The following SYT12 variants were observed in gnomAD, a reference collection of about 807,000 sequenced individuals.
SYT12 encodes synaptotagmin-12.
Under a neutral mutation model 39.5 loss-of-function variants are expected in SYT12, and 27 were observed. The observed-to-expected ratio is 0.68, with a 90% confidence interval of 0.50 to 0.94. SYT12 has a LOEUF of 0.94. Among genes scored for constraint, SYT12 ranks in the 40% least tolerant of loss-of-function variants. The pLI, the probability that SYT12 is intolerant of heterozygous loss-of-function variation, is 0.00. For missense variants in SYT12, 536 were observed against 572.6 expected (o/e 0.94, Z 0.65); for synonymous variants, 233 against 239.7 (o/e 0.97, Z 0.26).
intron 5 of SYT12, among the ~76,000 whole-genome samples, chr11:67,044,071 G>T (rs1950565346): frequency 6.6e-6 from 1 of 152,150 alleles, no homozygotes; most frequent in African/African-American, 2.4e-5. Flanking sequence ...CTGCTGCTTT[G>T]CCACCAAAGC....
At position 67,034,819 on chromosome 11, in the gene SYT12, G is replaced by A; in HGVS notation, c.209G>A (p.Cys70Tyr). 1 of 1,572,124 alleles carries A rather than the reference G, an allele frequency of 6.4e-7. No individual in the cohort carries two copies. Among genetic ancestry groups the A allele is most frequent in the Non-Finnish European group, 8.6e-7 (1 of 1,163,344 alleles). The change falls in exon 3 of 8, where the codon TGC becomes TAC. Residue 70 changes from cysteine (C) to tyrosine (Y), a missense_variant. By Grantham distance (194) the Cys-to-Tyr change is radical (BLOSUM62 -2). Coordinates refer to ENST00000527043, the MANE Select transcript of SYT12 (RefSeq NM_177963.4). ...RYLQQKYGES[C>Y]AEAREKRVPA... Reference sequence around the variant, plus strand: ...CTTCAGCAGAAGTACGGCGAGAGCTGCGCAGAGGCCAGGGAGAAGGTGAGG... The same window carrying A: ...CTTCAGCAGAAGTACGGCGAGAGCTACGCAGAGGCCAGGGAGAAGGTGAGG...
rs2136210348 is a variant in SYT12, at chr11:67,030,132, T to C, written c.-13T>C. On this transcript the variant is annotated 5_prime_UTR_variant, in exon 2 of 8. Transcript: ENST00000527043. The stretch of plus-strand genomic sequence containing the variant: ...TCTTTTCCCTTCCAGTCACAGTCAC[T>C]GCAGCAGACATCATGGCTGTGGATG... The C allele has an allele frequency of 6.2e-7, 1 of 1,613,972 alleles. No homozygotes were observed. Among genetic ancestry groups the C allele is most frequent in the Non-Finnish European group, 8.5e-7 (1 of 1,180,006 alleles).
intron 3 of SYT12, among the ~76,000 whole-genome samples, chr11:67,014,089 C>T (rs549342627): frequency 2.6e-5 from 4 of 152,326 alleles, no homozygotes; most frequent in East Asian, 3.9e-4. Context: ...CACCACCCAT[C>T]GCATGTAGGA....
intron 1 of SYT12, chr11:67,028,071 G>A (rs1401111555): frequency 6.6e-6 from 1 of 152,242 alleles, no homozygotes; most frequent in African/African-American, 2.4e-5. Context: ...CATGGAGCCA[G>A]TTGGCCTGGG....
At chr11:67,039,634 T>A (rs1178042319) in intron 3 of SYT12, among the ~76,000 whole-genome samples, 177 bp from the exon 4 acceptor site, 2 of 151,896 alleles carry the variant, frequency 1.3e-5, no homozygotes, top group Non-Finnish European at 2.9e-5. Context: ...AGTAAATAAA[T>A]AAGTGACATG....
At chr11:67,039,412 C>T (rs375461263) in intron 3 of SYT12, among the ~76,000 whole-genome samples, 5 of 151,998 alleles carry the variant, frequency 3.3e-5, no homozygotes, top group Non-Finnish European at 7.4e-5. Context: ...ATTGGGAGTT[C>T]GAGACTAGCC....
chr11:67,029,713 G>A (rs2136209818), intron 1 of SYT12: 1 of 159,650 alleles, frequency 6.3e-6, no homozygotes, highest in South Asian at 1.9e-4. Flanking sequence ...AATTAGCCGG[G>A]TGGGGTGGCA....
intron 2 of SYT12, among the ~76,000 whole-genome samples, chr11:67,033,842 C>T (rs1023956246): frequency 6.6e-6 from 1 of 152,328 alleles, no homozygotes. Flanking sequence ...GGTCCTGCTG[C>T]GTGCCAAGCG....
chr11:67,019,244 G>T (rs1399658713), upstream of SYT12, among the ~76,000 whole-genome samples: 1 of 152,018 alleles, frequency 6.6e-6, no homozygotes, highest in East Asian at 1.9e-4. Context: ...AGGCTGAGGT[G>T]GGTAGATCAC....
intron 3 of SYT12, among the ~76,000 whole-genome samples, chr11:67,015,207 CA>C (rs1364621459): frequency 2.6e-5 from 4 of 152,332 alleles, no homozygotes; most frequent in Non-Finnish European, 5.9e-5. Context: ...GGTGGAAAGG[CA>C]GCGCAGGTGT....
rs1344063737 is a variant in SYT12, at chr11:67,050,470, G to C, written c.*1713G>C. The C allele has an allele frequency of 6.6e-6, 1 of 152,516 alleles. No individual in the cohort carries two copies. The highest frequency in any genetic ancestry group is 1.5e-5 in the Non-Finnish European group (1 of 68,282). 9.4% of individuals were successfully genotyped at this position (152,516 alleles called of 1,614,324 possible). A position where few individuals can be genotyped will look rare whatever the true frequency, so the allele number is the denominator to read the frequency against. On this transcript the variant is annotated 3_prime_UTR_variant, in exon 8 of 8. Coordinates refer to ENST00000527043, the MANE Select transcript of SYT12 (RefSeq NM_177963.4). ...ATGGGGGGAGGAGGGGCTAGAACAA[G>C]GGCCCAGGGGACTGGAGGCAGGATG... is the stretch of plus-strand genomic sequence containing the variant.
chr11:67,015,982 C>T (rs1230527190), intron 3 of SYT12, among the ~76,000 whole-genome samples: 1 of 152,084 alleles, frequency 6.6e-6, no homozygotes, highest in Non-Finnish European at 1.5e-5. Flanking sequence ...ATATCATACA[C>T]GAAAAGATGA....
intron 3 of SYT12, among the ~76,000 whole-genome samples, chr11:67,035,790 T>TTTCCTTCCTTCCTTCCTTCCTTCCTTCC (rs1172307451): frequency 5.5e-5 from 4 of 73,226 alleles, no homozygotes; most frequent in African/African-American, 1.8e-4. Flanking sequence ...TTTTCTTTTC[T>TTTCCTTCCTTCCTTCCTTCCTTCCTTCC]TTCCTTCCTT....
chr11:67,035,837 CCTTTCTTTCTTTCTTT>C lies in SYT12; in HGVS notation c.228+1029_228+1044del, dbSNP rs1157424282. Among the ~76,000 whole-genome samples, 85 of 111,126 alleles carry C rather than the reference CCTTTCTTTCTTTCTTT, an allele frequency of 7.6e-4. 1 individual carries two copies. The highest frequency in any genetic ancestry group is 2.0e-3 in the African/African-American group (46 of 23,158). The allele number at this position is 111,126 out of a possible 152,430, so 72.9% of individuals were successfully genotyped here. On this transcript the variant is annotated intron_variant, in intron 3 of 7. Coordinates refer to ENST00000527043, the MANE Select transcript of SYT12 (RefSeq NM_177963.4). Reference sequence around the variant, plus strand: ...TCCTTCCTTCCTTCCTTCCTTCCTTCCTTTCTTTCTTTCTTTCTTTCTTTCTTTCTTTCTTTCTTTC... The same window carrying C: ...TCCTTCCTTCCTTCCTTCCTTCCTTCCTTTCTTTCTTTCTTTCTTTCTTTC...
chr11:67,030,396 CCTT>C, intron 2 of SYT12: 1 of 529,608 alleles, frequency 1.9e-6, no homozygotes, highest in African/African-American at 1.9e-5. Flanking sequence ...TCAAGTGGCT[CCTT>C]CTTGTTAAAG....
intron 5 of SYT12, 58 bp downstream of exon 5, chr11:67,043,911 G>A (rs1950562275): frequency 6.7e-7 from 1 of 1,494,602 alleles, no homozygotes; most frequent in Non-Finnish European, 9.3e-7. Flanking sequence ...TACACTTCCA[G>A]GAAGGGACTC....
chr11:67,021,096 C>T (rs947354548), upstream of SYT12, among the ~76,000 whole-genome samples: 4 of 152,174 alleles, frequency 2.6e-5, no homozygotes, highest in African/African-American at 9.7e-5. Context: ...CATTGTGTCA[C>T]TACACCACAA....
Position 67,045,848 on chromosome 11 carries a change from A to T in SYT12, c.1063A>T (p.Ile355Phe). Residue 355 changes from isoleucine to phenylalanine, a missense_variant, in exon 7 of 8, where the codon ATC (isoleucine) becomes TTC (phenylalanine). Transcript: ENST00000527043. The part of the protein sequence containing the change: ...DPNPVFNEAM[I>F]FSVPAIVLQD... ...CAACCCGGTGTTCAACGAAGCCATG[A>T]TCTTCTCGGTGCCAGCCATTGTGCT... 1 of 1,613,380 alleles carries T rather than the reference A, an allele frequency of 6.2e-7. No individual in the cohort carries two copies. The highest frequency in any genetic ancestry group is 8.5e-7 in the Non-Finnish European group (1 of 1,179,778).
Position 67,012,938 on chromosome 11 carries a change from G to GGCTT in SYT12, c.-69+1945_-69+1948dup, listed in dbSNP as rs1950023437. 2.0e-5 allele frequency among the ~76,000 whole-genome samples: 3 copies of GGCTT among 151,156 alleles called. 1 individual carries two copies. The highest frequency in any genetic ancestry group is 3.4e-3 in the Middle Eastern group (1 of 294). ...AATGGAGGGGACTGTGAAGAGAGAA[G>GGCTT]GCTTTTGAAACCTGGGGGGGGTCAT... On this transcript the variant is annotated intron_variant, in intron 3 of 10. Coordinates refer to the SYT12 transcript ENST00000393946.
Sources: gnomAD v4.1 joint callset for allele counts (sites outside exome capture counted in the v4.1 genomes callset) on GRCh38, gnomAD v4.1.1 for gene constraint, MANE v1.5 for transcripts, NCBI Gene and HGNC (gene_info 2026-07-23, HGNC 2026-07-21) for gene names.